WDFY3: variants seen among roughly 807,000 people sequenced by gnomAD.
WDFY3 encodes WD repeat and FYVE domain-containing protein 3.
In WDFY3, 66 loss-of-function variants were observed where a neutral mutation model predicts 409.6. The ratio of observed to expected loss-of-function variants is 0.16; its 90% CI spans 0.13 to 0.20. The LOEUF (loss-of-function observed/expected upper bound fraction) is 0.20, where lower values mean the gene tolerates loss of function less well. Ranked by LOEUF, WDFY3 falls within the 10% of genes least tolerant of loss-of-function variation. WDFY3 has a pLI of 1.00. For synonymous variants in WDFY3, 1,521 were observed against 1,537.1 expected (o/e 0.99, Z 0.25); for missense variants, 3,031 against 4,298.1 (o/e 0.71, Z 8.24).
chr4:84,941,401 C>T (rs1490775540), intron 1 of WDFY3, among the ~76,000 whole-genome samples: 2 of 151,844 alleles, frequency 1.3e-5, no homozygotes, highest in African/African-American at 4.8e-5. Flanking sequence ...TAATAGCACC[C>T]AAAACACATG....
intron 17 of WDFY3, among the ~76,000 whole-genome samples, chr4:84,799,736 A>C (rs1191527736): frequency 6.6e-6 from 1 of 152,214 alleles, no homozygotes; most frequent in East Asian, 1.9e-4. Context: ...ACAGCAGGAA[A>C]CAAAAAAGGC....
Position 84,733,411 on chromosome 4 carries a change from G to A in WDFY3, c.7192C>T (p.Pro2398Ser), listed in dbSNP as rs1194925756. The A allele has an allele frequency of 1.2e-6, 2 of 1,613,994 alleles. No homozygotes were observed. Among genetic ancestry groups the A allele is most frequent in the South Asian group, 2.2e-5 (2 of 91,070 alleles). ...ACATTTGTCTCTTGCTCAGTTTCTG[G>A]CACGTAAGGGTAATGGTTATAAAAC... ...DMFYNHYPYV[P>S]ETEQETNVAS... The change falls in exon 44 of 68, where the codon CCA becomes TCA. Residue 2398 changes from proline (P) to serine (S), a missense_variant. Pro to Ser is a moderately conservative substitution (Grantham distance 74). Transcript: ENST00000295888.
At chr4:84,738,365 G>C (rs1232376363) in intron 40 of WDFY3, among the ~76,000 whole-genome samples, 1 of 152,126 alleles carries the variant, frequency 6.6e-6, no homozygotes, top group Admixed American at 6.5e-5. Context: ...GGGAGGCCAA[G>C]GCCGGTGGAT....
rs867322221 is a variant in WDFY3, at chr4:84,771,398, G to A, written c.4849+1437C>T. On this transcript the variant is annotated intron_variant, in intron 30 of 67. Coordinates refer to ENST00000295888, the MANE Select transcript of WDFY3 (RefSeq NM_014991.6). ...AGCAATTTACCTGCTTCAGCCTCCC[G>A]AAGTGTTGGGATTACAGGTGTAAGC... is the stretch of plus-strand genomic sequence containing the variant. 9.2e-5 allele frequency among the ~76,000 whole-genome samples: 14 copies of A among 152,102 alleles called. No homozygotes were observed. In the East Asian group the frequency reaches 1.2e-3, roughly 13 times the overall value.
rs1353309129 is a variant in WDFY3 at position 84,945,522 on chromosome 4, C to T, written c.-225-13159G>A. Among the ~76,000 whole-genome samples, 4 of 152,230 alleles carry T rather than the reference C, an allele frequency of 2.6e-5. No homozygotes were observed. In the East Asian group the frequency reaches 5.8e-4, roughly 22 times the overall value. ...GTGATGGGCAGATGCCCAGGGACCTCACTAGTCTTATCAAATAGACTCTTA... is the reference window on the plus strand; with the variant it reads ...GTGATGGGCAGATGCCCAGGGACCTTACTAGTCTTATCAAATAGACTCTTA... On this transcript the variant is annotated intron_variant, in intron 1 of 67. Transcript: ENST00000295888.
intron 51 of WDFY3, 93 bp from the exon 52 acceptor site, chr4:84,709,440 GA>G: frequency 9.1e-7 from 1 of 1,100,730 alleles, no homozygotes; most frequent in Non-Finnish European, 1.3e-6. Flanking sequence ...CCTGGTCCAG[GA>G]ATTTTTCAAA....
chr4:84,897,860 A>T lies in WDFY3; in HGVS notation c.-131-850T>A, dbSNP rs563010296. On this transcript the variant is annotated intron_variant, in intron 2 of 67. Coordinates refer to ENST00000295888, the MANE Select transcript of WDFY3 (RefSeq NM_014991.6). ...GATCAAATATTGAAAATCGCCTTTA[A>T]ATCTTCCTGAATTACAAAGAAGTTA... Among the ~76,000 whole-genome samples the T allele has an allele frequency of 2.0e-5, 3 of 152,330 alleles. No individual in the cohort carries two copies. In the South Asian group the frequency reaches 6.2e-4, roughly 32 times the overall value.
intron 2 of WDFY3, among the ~76,000 whole-genome samples, chr4:84,908,960 CA>C (rs1414035550): frequency 8.5e-5 from 13 of 152,112 alleles, no homozygotes; most frequent in African/African-American, 3.1e-4. Flanking sequence ...AGGAAAAATT[CA>C]AAAGATGTTT....
chr4:84,784,787 GAGATCACACCATTGCACTCTAGCCT>G (rs1194367222), intron 24 of WDFY3, among the ~76,000 whole-genome samples: 1 of 145,450 alleles, frequency 6.9e-6, no homozygotes, highest in Non-Finnish European at 1.5e-5. Context: ...GCAGTGAGCC[GAGATCACACCATTGCACTCTAGCCT>G]AGGCGACAAG....
At chr4:84,819,202 G>A (rs951348158) in intron 12 of WDFY3, among the ~76,000 whole-genome samples, 17 of 151,968 alleles carry the variant, frequency 1.1e-4, no homozygotes, top group African/African-American at 3.9e-4. Flanking sequence ...TTCCCAGGGA[G>A]CAAGAATGAT....
At position 84,702,402 on chromosome 4, in the gene WDFY3, C is replaced by T. The variant is rs747578819; in HGVS notation, c.8547G>A (p.Glu2849=). The T allele has an allele frequency of 1.9e-6, 3 of 1,613,524 alleles. No individual in the cohort carries two copies. Among genetic ancestry groups the T allele is most frequent in the South Asian group, 1.1e-5 (1 of 91,040 alleles). The change falls in exon 56 of 68, where the codon GAG becomes GAA. Residue 2849 remains glutamate, a synonymous_variant. Transcript: ENST00000295888. ...ACAGGAATTCTGGTAAATAAAAGAA[C>T]TCTGGGATAAGTTCTTTTACATCTG... The part of the protein sequence containing the change: ...NMADVKELIP[E]FFYLPEFLFN...
intron 3 of WDFY3, among the ~76,000 whole-genome samples, chr4:84,885,263 C>T (rs530232363): frequency 0.011 from 1,681 of 151,598 alleles, 26 homozygotes; most frequent in African/African-American, 0.039. Context: ...CCTTGGCCTC[C>T]CTAAGTGCTG....
At chr4:84,737,467 C>A in intron 40 of WDFY3, 101 bp from the exon 41 acceptor site, 3 of 1,306,410 alleles carry the variant, frequency 2.3e-6, no homozygotes, top group Non-Finnish European at 3.0e-6. Flanking sequence ...GTGGGAATTT[C>A]GACTACAGTA....
rs187075341 is a variant in WDFY3, at chr4:84,799,871, T to C, written c.2823-1763A>G. Reference sequence around the variant, plus strand: ...CTTCTTTTTTCTGAGAACTCACTAATTGTGAAAACTGACCATACCCAATGG... The same window carrying C: ...CTTCTTTTTTCTGAGAACTCACTAACTGTGAAAACTGACCATACCCAATGG... On this transcript the variant is annotated intron_variant, in intron 17 of 67. Transcript: ENST00000295888. 5.3e-5 allele frequency among the ~76,000 whole-genome samples: 8 copies of C among 152,334 alleles called. No homozygotes were observed. The East Asian group carries it at 7.7e-4, about 15-fold the overall frequency.
intron 7 of WDFY3, among the ~76,000 whole-genome samples, chr4:84,834,606 G>A (rs1406606278): frequency 6.6e-6 from 1 of 152,022 alleles, no homozygotes; most frequent in Admixed American, 6.6e-5. Context: ...AGCCAAGATC[G>A]CACCACCGCA....
chr4:84,876,437 T>C (rs1045268626), intron 3 of WDFY3, among the ~76,000 whole-genome samples: 20 of 152,172 alleles, frequency 1.3e-4, no homozygotes, highest in Non-Finnish European at 2.8e-4. Context: ...AGAATAATTA[T>C]CAGAACCTAA....
At chr4:84,721,883 A>C (rs1304005355) in intron 46 of WDFY3, among the ~76,000 whole-genome samples, 1 of 152,196 alleles carries the variant, frequency 6.6e-6, no homozygotes, top group African/African-American at 2.4e-5. Flanking sequence ...CAAGTACACT[A>C]TCTTAGAGGA....
rs151235289 is a variant in WDFY3 at position 84,909,281 on chromosome 4, C to T, written c.-131-12271G>A. 4.3e-3 allele frequency among the ~76,000 whole-genome samples: 653 copies of T among 152,134 alleles called. 4 individuals carry two copies. Among genetic ancestry groups the T allele is most frequent in the African/African-American group, 0.015 (612 of 41,524 alleles). On this transcript the variant is annotated intron_variant, in intron 2 of 67. Transcript: ENST00000295888. Reference sequence around the variant, plus strand: ...TACATTTTAAAAGGTTAAAATTATGCTTTCTTGACAGATTTTTGCCTTTAA... The same window carrying T: ...TACATTTTAAAAGGTTAAAATTATGTTTTCTTGACAGATTTTTGCCTTTAA...
intron 35 of WDFY3, among the ~76,000 whole-genome samples, chr4:84,752,476 G>A (rs954827568): frequency 1.3e-5 from 2 of 150,400 alleles, no homozygotes; most frequent in Non-Finnish European, 2.9e-5. Flanking sequence ...GCAGTGAGCC[G>A]AGATCGTGCC....
Sources: gnomAD v4.1 joint callset for allele counts (sites outside exome capture counted in the v4.1 genomes callset) on GRCh38, gnomAD v4.1.1 for gene constraint, MANE v1.5 for transcripts, NCBI Gene and HGNC (gene_info 2026-07-23, HGNC 2026-07-21) for gene names.